The following TRIM36 variants were observed in gnomAD, a reference collection of about 807,000 sequenced individuals.
The protein encoded by TRIM36 is tripartite motif containing 36.
Under a neutral mutation model 72.4 loss-of-function variants are expected in TRIM36, and 42 were observed. The observed-to-expected ratio is 0.58, with a 90% confidence interval of 0.45 to 0.75. TRIM36 has a LOEUF of 0.75. TRIM36 is among the 30% of genes least tolerant of loss of function. The pLI, the probability that TRIM36 is intolerant of heterozygous loss-of-function variation, is 0.00. For synonymous variants in TRIM36, 315 were observed against 282.8 expected (o/e 1.11, Z -1.14); for missense variants, 913 against 857.1 (o/e 1.07, Z -0.81).
At chr5:115,136,392 C>T (rs941306027) in intron 7 of TRIM36, among the ~76,000 whole-genome samples, 1 of 152,118 alleles carries the variant, frequency 6.6e-6, no homozygotes, top group Non-Finnish European at 1.5e-5. Flanking sequence ...ACCAACCCTG[C>T]CAACACCTTG....
intron 2 of TRIM36, among the ~76,000 whole-genome samples, chr5:115,154,801 TAGAG>T (rs1449064918): frequency 1.3e-5 from 2 of 152,068 alleles, no homozygotes; most frequent in Non-Finnish European, 2.9e-5. Flanking sequence ...TTCCATGAGA[TAGAG>T]AAAGAGGAAC....
Position 115,130,117 on chromosome 5 carries a change from T to A in TRIM36, c.1796+475A>T, listed in dbSNP as rs1183751439. Among the ~76,000 whole-genome samples the A allele has an allele frequency of 2.0e-5, 3 of 152,218 alleles. No homozygotes were observed. The East Asian group carries it at 5.8e-4, about 29-fold the overall frequency. ...TATTCCATCTAAAAGAACTGAACTG[T>A]ACAATCTTCATTAGTCAATCTCTTA... On this transcript the variant is annotated intron_variant, in intron 9 of 9. Transcript: ENST00000513154.
rs746242606 is a variant in TRIM36, at chr5:115,125,227, A to G, written c.*1276T>C. The G allele has an allele frequency of 6.6e-5, 10 of 152,150 alleles. No individual in the cohort carries two copies. Among genetic ancestry groups the G allele is most frequent in the Non-Finnish European group, 1.3e-4 (9 of 67,994 alleles). 9.4% of individuals were successfully genotyped at this position (152,150 alleles called of 1,614,324 possible). A position where few individuals can be genotyped will look rare whatever the true frequency, so the allele number is the denominator to read the frequency against. On this transcript the variant is annotated 3_prime_UTR_variant, in exon 10 of 10. Coordinates refer to ENST00000513154, the MANE Select transcript of TRIM36 (RefSeq NM_001300759.2). ...TAAATGATTACTGCTACAATGCATA[A>G]AAGTAGTTTCTGAATATTTTAACCT... is the stretch of plus-strand genomic sequence containing the variant.
At chr5:115,171,840 T>C (rs1561451175), upstream of TRIM36, among the ~76,000 whole-genome samples, 1 of 152,212 alleles carries the variant, frequency 6.6e-6, no homozygotes, top group Non-Finnish European at 1.5e-5. Context: ...ATAAAAATAC[T>C]TATGCAGTGG....
intron 8 of TRIM36, among the ~76,000 whole-genome samples, chr5:115,132,371 A>G (rs1224783030): frequency 1.3e-5 from 2 of 151,720 alleles, no homozygotes; most frequent in African/African-American, 2.4e-5. Context: ...TGGCTCTACT[A>G]AAAATACAAA....
At chr5:115,169,910 G>T, upstream of TRIM36, 1 of 1,288,144 alleles carries the variant, frequency 7.8e-7, no homozygotes, top group African/African-American at 1.5e-5. Flanking sequence ...GCGGACTGCG[G>T]CTGGGAACGG....
chr5:115,164,138 A>T (rs746889592), intron 1 of TRIM36, among the ~76,000 whole-genome samples: 1 of 152,200 alleles, frequency 6.6e-6, no homozygotes, highest in Non-Finnish European at 1.5e-5. Flanking sequence ...TAAGAGTAAG[A>T]CTATATTCTT....
At chr5:115,169,941 G>A, upstream of TRIM36, 1 of 1,233,606 alleles carries the variant, frequency 8.1e-7, no homozygotes, top group Non-Finnish European at 1.0e-6. Context: ...AGACCTGGGC[G>A]GGGCACCGCG....
At chr5:115,163,461 A>G in intron 2 of TRIM36, 57 bp downstream of exon 2, 1 of 1,432,456 alleles carries the variant, frequency 7.0e-7, no homozygotes, top group Non-Finnish European at 9.8e-7. Context: ...TTACCACTGA[A>G]TATATATCTA....
intron 2 of TRIM36, 151 bp downstream of exon 2, chr5:115,163,367 G>A (rs1053727129): frequency 7.9e-6 from 5 of 635,574 alleles, no homozygotes; most frequent in Non-Finnish European, 1.4e-5. Context: ...TTAACAGTGG[G>A]GGAGGCCCCT....
chr5:115,146,785 C>A (rs191287756), intron 3 of TRIM36, among the ~76,000 whole-genome samples: 1 of 152,102 alleles, frequency 6.6e-6, no homozygotes, highest in East Asian at 1.9e-4. Flanking sequence ...TCTGAGATAA[C>A]CTTTCTTTAA....
chr5:115,165,650 C>T (rs10059553), intron 1 of TRIM36, among the ~76,000 whole-genome samples: 42,134 of 152,168 alleles, frequency 0.28, 6,245 homozygotes, highest in Non-Finnish European at 0.34. Flanking sequence ...ACAGCCGGAC[C>T]TGCTTGCTCT....
chr5:115,163,492 T>C, intron 2 of TRIM36, 26 bp downstream of exon 2: 5 of 1,598,782 alleles, frequency 3.1e-6, no homozygotes, highest in South Asian at 1.1e-5. Flanking sequence ...CCCACTACCA[T>C]CCCAGCCCAC....
intron 9 of TRIM36, among the ~76,000 whole-genome samples, chr5:115,127,389 T>C (rs540133667): frequency 1.7e-4 from 26 of 152,228 alleles, no homozygotes; most frequent in Admixed American, 1.0e-3. Flanking sequence ...GACAAAACCA[T>C]ATCTCTACTA....
chr5:115,177,589 A>G, intron 1 of TRIM36: 2 of 1,446,942 alleles, frequency 1.4e-6, no homozygotes, highest in Non-Finnish European at 1.8e-6. Flanking sequence ...AATCACACAC[A>G]AAACAGGGGT....
rs760210171 is a variant in TRIM36 at position 115,141,382 on chromosome 5, A to C, written c.736-8T>G. 6.4e-6 allele frequency: 10 copies of C among 1,569,846 alleles called. No individual in the cohort carries two copies. In the Admixed American group the frequency reaches 1.0e-4, roughly 16 times the overall value. ...ATCCTTTGAAAGCTTTTCCTGTTGA[A>C]ACATATTCGTAACACAAATAGACAA... On this transcript the variant is annotated splice_polypyrimidine_tract_variant and splice_region_variant and intron_variant, in intron 4 of 9. Transcript: ENST00000513154.
intron 8 of TRIM36, among the ~76,000 whole-genome samples, chr5:115,132,154 T>C (rs1266458795): frequency 1.3e-5 from 2 of 151,050 alleles, no homozygotes; most frequent in Non-Finnish European, 2.9e-5. Context: ...AAAGGCAACA[T>C]AGTGAGACCC....
At position 115,126,560 on chromosome 5, in the gene TRIM36, T is replaced by G; in HGVS notation, c.2094A>C (p.Gly698=). Residue 698 remains glycine (G), a synonymous_variant, in exon 10 of 10, where the codon GGA becomes GGC. Transcript: ENST00000513154. The part of the protein sequence containing the change: ...YPAFALMGSG[G]IQLEEPITAK... ...CTGTGATGGGTTCTTCAAGCTGAAT[T>G]CCTCCACTGCCCATTAATGCAAATG... The G allele has an allele frequency of 6.2e-7, 1 of 1,613,516 alleles. No individual in the cohort carries two copies. Among genetic ancestry groups the G allele is most frequent in the Middle Eastern group, 1.7e-4 (1 of 6,056 alleles).
At chr5:115,141,406 A>C in intron 4 of TRIM36, 32 bp from the exon 5 acceptor site, 1 of 1,494,344 alleles carries the variant, frequency 6.7e-7, no homozygotes, top group Non-Finnish European at 9.1e-7. Context: ...ACAAATAGAC[A>C]AAACGGGAGT....
Sources: gnomAD v4.1 joint callset for allele counts (sites outside exome capture counted in the v4.1 genomes callset) on GRCh38, gnomAD v4.1.1 for gene constraint, MANE v1.5 for transcripts, NCBI Gene and HGNC (gene_info 2026-07-23, HGNC 2026-07-21) for gene names.